The following BST1 variants were observed in gnomAD, a reference collection of about 807,000 sequenced individuals.
The protein encoded by BST1 is ADP-ribosyl cyclase/cyclic ADP-ribose hydrolase 2.
In BST1, 49 loss-of-function variants were observed where a neutral mutation model predicts 40.6. The observed-to-expected ratio is 1.21, with a 90% CI of 0.96 to 1.53. The LOEUF (loss-of-function observed/expected upper bound fraction) is 1.53. Ranked by LOEUF, BST1 falls within the 40% of genes most tolerant of loss-of-function variation. The probability of loss-of-function intolerance (pLI) is 0.00; values close to 1 mark genes in which losing one functional copy is unlikely to be tolerated. For missense variants in BST1, 423 were observed against 395.9 expected, an observed-to-expected ratio of 1.07 and a Z score of -0.58; for synonymous variants, 157 against 159.3, an observed-to-expected ratio of 0.99 and a Z score of 0.11.
Position 15,703,324 on chromosome 4 carries a change from C to T in BST1, c.180C>T (p.Pro60=). The change falls in exon 1 of 9, where the codon CCC becomes CCT. Residue 60 remains proline (P), a synonymous_variant. Transcript: ENST00000265016. ...RCAEYRALLS[P]EQRNKNCTAI... is the part of the protein sequence containing the mutation. ...CCGAGTACCGCGCACTGCTGAGTCC[C>T]GAGCAGCGGTGAGGCAGTCGGCCGG... is the stretch of plus-strand genomic sequence containing the variant. 1.3e-6 allele frequency: 2 copies of T among 1,505,854 alleles called. No individual in the cohort carries two copies. Among genetic ancestry groups the T allele is most frequent in the East Asian group, 2.7e-5 (1 of 37,316 alleles). 93.3% of individuals were successfully genotyped at this position (1,505,854 alleles called of 1,614,324 possible). A position where few individuals can be genotyped will look rare whatever the true frequency, so the allele number is the denominator to read the frequency against.
intron 3 of BST1, among the ~76,000 whole-genome samples, chr4:15,709,205 G>A (rs1038813193): frequency 2.0e-5 from 3 of 152,272 alleles, no homozygotes; most frequent in East Asian, 1.9e-4. Flanking sequence ...CCTAGATGCC[G>A]AGGGAAAACC....
chr4:15,713,628 A>G (rs1720341962), intron 4 of BST1, among the ~76,000 whole-genome samples: 3 of 152,208 alleles, frequency 2.0e-5, no homozygotes, highest in Admixed American at 1.3e-4. Context: ...ATTTGAAACC[A>G]GGCAGGCTGG....
intron 8 of BST1, among the ~76,000 whole-genome samples, chr4:15,728,148 C>T (rs1265606186): frequency 6.6e-6 from 1 of 152,042 alleles, no homozygotes; most frequent in Non-Finnish European, 1.5e-5. Context: ...GATCTTTTAA[C>T]TTAGCTGGAA....
intron 8 of BST1, among the ~76,000 whole-genome samples, chr4:15,724,568 C>G (rs1024645834): frequency 2.6e-5 from 4 of 152,072 alleles, no homozygotes; most frequent in Non-Finnish European, 5.9e-5. Context: ...TGCCTGTAAC[C>G]CCAGCTACTT....
At chr4:15,721,951 T>C (rs2148890015) in intron 7 of BST1, among the ~76,000 whole-genome samples, 1 of 152,258 alleles carries the variant, frequency 6.6e-6, no homozygotes, top group East Asian at 1.9e-4. Flanking sequence ...ACAGAGATCC[T>C]GTCTAGGCTT....
chr4:15,751,680 G>A, the BST1 span, among the ~76,000 whole-genome samples: 1 of 151,320 alleles, frequency 6.6e-6, no homozygotes, highest in South Asian at 2.1e-4. Flanking sequence ...TATAGTATAT[G>A]TATATCTTAT....
the BST1 span, among the ~76,000 whole-genome samples, chr4:15,750,050 G>A: frequency 6.6e-6 from 1 of 151,508 alleles, no homozygotes; most frequent in East Asian, 1.9e-4. Flanking sequence ...AGTTCAGATG[G>A]TTTGATTTTT....
chr4:15,773,053 T>A, the BST1 span, among the ~76,000 whole-genome samples: 3 of 152,120 alleles, frequency 2.0e-5, no homozygotes, highest in African/African-American at 7.2e-5. Flanking sequence ...CTGACTGTGG[T>A]ATAGACAATA....
the BST1 span, among the ~76,000 whole-genome samples, chr4:15,748,281 G>A: frequency 6.6e-6 from 1 of 152,170 alleles, no homozygotes; most frequent in Admixed American, 6.5e-5. Context: ...CAGGAGCATG[G>A]TGCCGATACT....
chr4:15,748,360 A>G, the BST1 span, among the ~76,000 whole-genome samples: 2 of 152,156 alleles, frequency 1.3e-5, no homozygotes, highest in East Asian at 1.9e-4. Flanking sequence ...CCCTCTTGCA[A>G]TGCAAGGCTG....
chr4:15,727,203 C>A (rs1278115873), intron 8 of BST1, among the ~76,000 whole-genome samples: 1 of 152,192 alleles, frequency 6.6e-6, no homozygotes, highest in Non-Finnish European at 1.5e-5. Context: ...GTGTAAAGTT[C>A]TCATTCTTCC....
downstream of BST1, among the ~76,000 whole-genome samples, chr4:15,742,419 T>G (rs1479393157): frequency 7.9e-5 from 12 of 152,234 alleles, no homozygotes; most frequent in African/African-American, 2.7e-4. Flanking sequence ...TTGCATACTT[T>G]GGCTCCCCTT....
chr4:15,720,355 A>G (rs1210879920), intron 7 of BST1, among the ~76,000 whole-genome samples: 1 of 152,092 alleles, frequency 6.6e-6, no homozygotes, highest in Non-Finnish European at 1.5e-5. Context: ...GCAGTGGCTC[A>G]TACCTGTAAT....
the BST1 span, among the ~76,000 whole-genome samples, chr4:15,766,811 A>G: frequency 2.2e-5 from 3 of 138,116 alleles, no homozygotes; most frequent in South Asian, 4.6e-4. Context: ...AAAAAAAAAG[A>G]CCTCCCTAAA....
At chr4:15,707,836 T>TCC (rs1719968383) in intron 3 of BST1, among the ~76,000 whole-genome samples, 190 bp downstream of exon 3, 1 of 102,444 alleles carries the variant, frequency 9.8e-6, no homozygotes, top group Non-Finnish European at 2.1e-5. Flanking sequence ...GTCTAAGCAC[T>TCC]CTCTCTCTCT....
Position 15,703,229 on chromosome 4 carries a change from G to C in BST1, c.85G>C (p.Gly29Arg), listed in dbSNP as rs769882140. Residue 29 changes from glycine to arginine, a missense_variant, in exon 1 of 9, where the codon GGG (glycine) becomes CGG (arginine). Coordinates refer to ENST00000265016, the MANE Select transcript of BST1 (RefSeq NM_004334.3). ...LLLLLLLAAG[G>R]ARARWRGEGT... ...TCTACTGTTGCTGCTGGCGGCGGGC[G>C]GGGCGCGCGCGCGGTGGCGCGGGGA... 9 of 1,546,060 alleles carry C rather than the reference G, an allele frequency of 5.8e-6. No homozygotes were observed. The highest frequency in any genetic ancestry group is 1.8e-4 in the Middle Eastern group (1 of 5,510).
intron 8 of BST1, chr4:15,731,250 T>G (rs972788962): frequency 4.1e-6 from 2 of 486,538 alleles, no homozygotes; most frequent in Non-Finnish European, 7.5e-6. Flanking sequence ...TATTTAGGAC[T>G]GGGCCGAGGA....
At chr4:15,710,621 T>C (rs1720143447) in intron 3 of BST1, among the ~76,000 whole-genome samples, 1 of 152,172 alleles carries the variant, frequency 6.6e-6, no homozygotes, top group Admixed American at 6.6e-5. Flanking sequence ...GCCACTATTC[T>C]ACCCCCAACT....
At chr4:15,712,101 A>G (rs1720249491) in intron 4 of BST1, among the ~76,000 whole-genome samples, 1 of 151,978 alleles carries the variant, frequency 6.6e-6, no homozygotes, top group African/African-American at 2.4e-5. Flanking sequence ...CACGGAGAAA[A>G]CATTCTGTAA....
Sources: gnomAD v4.1 joint callset for allele counts (sites outside exome capture counted in the v4.1 genomes callset) on GRCh38, gnomAD v4.1.1 for gene constraint, MANE v1.5 for transcripts, NCBI Gene and HGNC (gene_info 2026-07-23, HGNC 2026-07-21) for gene names.